The following DIAPH3 variants were observed in gnomAD, a reference collection of about 807,000 sequenced individuals.
DIAPH3 encodes the protein diaphanous related formin 3.
A neutral mutation model predicts 144.3 loss-of-function variants in DIAPH3; 117 were observed. The ratio of observed to expected loss-of-function variants is 0.81; its 90% confidence interval spans 0.70 to 0.95. DIAPH3 has a LOEUF of 0.95. Ranked by LOEUF, DIAPH3 falls within the 40% of genes least tolerant of loss-of-function variation. DIAPH3 has a pLI of 0.00. For missense variants in DIAPH3, 1,421 were observed against 1,412.7 expected (o/e 1.01, Z -0.09); for synonymous variants, 519 against 488.9 (o/e 1.06, Z -0.81).
chr13:59,866,964 G>T (rs984173803), intron 21 of DIAPH3, among the ~76,000 whole-genome samples: 1 of 151,428 alleles, frequency 6.6e-6, no homozygotes, highest in Non-Finnish European at 1.5e-5. Context: ...AATGGATTTT[G>T]TTTTCTGGTA....
At chr13:59,948,836 AGAAAGAAGGAAGGAAGGAAG>A (rs894160203) in intron 17 of DIAPH3, among the ~76,000 whole-genome samples, 2 of 143,216 alleles carry the variant, frequency 1.4e-5, no homozygotes, top group African/African-American at 2.6e-5. Flanking sequence ...TGACATAAAA[AGAAAGAAGGAAGGAAGGAAG>A]GAAGGAAGGA....
At chr13:59,756,812 C>A (rs2139158398) in intron 27 of DIAPH3, among the ~76,000 whole-genome samples, 1 of 152,152 alleles carries the variant, frequency 6.6e-6, no homozygotes, top group South Asian at 2.1e-4. Flanking sequence ...TCCAGTACAT[C>A]AGAGTTAATA....
chr13:60,156,917 T>TCA (rs376236763), intron 1 of DIAPH3, among the ~76,000 whole-genome samples: 35,877 of 86,188 alleles, frequency 0.42, 9,283 homozygotes, highest in South Asian at 0.51. Context: ...CCCAGATCCT[T>TCA]CATATATATA....
In DIAPH3 at chr13:59,980,875, C is replaced by A; in HGVS notation, c.1481-16G>T. 1.2e-6 allele frequency: 2 copies of A among 1,604,260 alleles called. No homozygotes were observed. Among genetic ancestry groups the A allele is most frequent in the Non-Finnish European group, 8.5e-7 (1 of 1,174,446 alleles). On this transcript the variant is annotated splice_polypyrimidine_tract_variant and intron_variant, in intron 13 of 27. Coordinates refer to ENST00000400324, the MANE Select transcript of DIAPH3 (RefSeq NM_001042517.2). ...ATGCAAATGTCTAAAATTGCAATGA[C>A]AGGAAATTTTTAATGTGAAACTTCT...
At chr13:59,873,560 A>C (rs954594920) in intron 21 of DIAPH3, among the ~76,000 whole-genome samples, 4 of 152,120 alleles carry the variant, frequency 2.6e-5, no homozygotes, top group African/African-American at 9.7e-5. Context: ...AACTTATTTC[A>C]GTTCCACTAT....
chr13:59,840,851 T>C (rs984649656), intron 22 of DIAPH3, among the ~76,000 whole-genome samples: 1 of 151,960 alleles, frequency 6.6e-6, no homozygotes, highest in Non-Finnish European at 1.5e-5. Context: ...TCCCTTTCTG[T>C]GATACTTTGA....
chr13:59,762,328 G>A (rs982172104), intron 27 of DIAPH3, among the ~76,000 whole-genome samples: 1 of 151,990 alleles, frequency 6.6e-6, no homozygotes, highest in Non-Finnish European at 1.5e-5. Context: ...CCAAAGTGCT[G>A]GGATTACAGG....
chr13:59,794,633 A>G (rs17057347), intron 25 of DIAPH3, among the ~76,000 whole-genome samples: 11,512 of 152,138 alleles, frequency 0.076, 562 homozygotes, highest in South Asian at 0.18. Flanking sequence ...CCAAGTTCTG[A>G]TGCGAATTTT....
chr13:60,047,211 A>G (rs1429321310), intron 4 of DIAPH3, among the ~76,000 whole-genome samples: 1 of 152,138 alleles, frequency 6.6e-6, no homozygotes, highest in Non-Finnish European at 1.5e-5. Flanking sequence ...TAAACGTTAT[A>G]CCATACTCAC....
chr13:59,750,101 A>C (rs940660475), intron 27 of DIAPH3, among the ~76,000 whole-genome samples: 1 of 152,168 alleles, frequency 6.6e-6, no homozygotes, highest in African/African-American at 2.4e-5. Context: ...ATACAAAAAA[A>C]CATAAAGCAA....
intron 4 of DIAPH3, among the ~76,000 whole-genome samples, chr13:60,067,057 T>A (rs1260418765): frequency 1.3e-5 from 2 of 152,134 alleles, no homozygotes; most frequent in African/African-American, 4.8e-5. Flanking sequence ...GACCAGAGGA[T>A]TGCTTGACTC....
chr13:59,879,118 T>C, intron 21 of DIAPH3, 111 bp downstream of exon 21: 1 of 1,474,380 alleles, frequency 6.8e-7, no homozygotes, highest in Non-Finnish European at 9.2e-7. Context: ...TCAGTTCAAG[T>C]TCTTGATAAT....
At chr13:60,129,391 C>T (rs2059078863) in intron 2 of DIAPH3, among the ~76,000 whole-genome samples, 1 of 152,178 alleles carries the variant, frequency 6.6e-6, no homozygotes, top group African/African-American at 2.4e-5. Context: ...AGAACAAACA[C>T]TGCTTATAGT....
chr13:59,970,204 T>C (rs2050281910), intron 16 of DIAPH3, 146 bp from the exon 17 acceptor site: 1 of 461,012 alleles, frequency 2.2e-6, no homozygotes, highest in East Asian at 3.5e-5. Flanking sequence ...GTGTGTTCAA[T>C]AAGATACAAG....
At chr13:59,911,067 A>G (rs1471710099) in intron 20 of DIAPH3, among the ~76,000 whole-genome samples, 1 of 152,110 alleles carries the variant, frequency 6.6e-6, no homozygotes, top group Non-Finnish European at 1.5e-5. Context: ...AAACAACACT[A>G]TAGTATTGTT....
chr13:59,955,455 A>G (rs1039196887), intron 17 of DIAPH3, among the ~76,000 whole-genome samples: 1 of 152,228 alleles, frequency 6.6e-6, no homozygotes, highest in African/African-American at 2.4e-5. Context: ...AGGCCTTCCC[A>G]GCCATGTGGA....
intron 27 of DIAPH3, among the ~76,000 whole-genome samples, chr13:59,737,730 C>G (rs1402229985): frequency 6.6e-6 from 1 of 152,212 alleles, no homozygotes; most frequent in Non-Finnish European, 1.5e-5. Flanking sequence ...AAAGGTTATT[C>G]TGAATTCCAA....
At chr13:59,950,130 T>C (rs1435757837) in intron 17 of DIAPH3, among the ~76,000 whole-genome samples, 1 of 102,900 alleles carries the variant, frequency 9.7e-6, no homozygotes, top group East Asian at 2.0e-4. Context: ...TTTGTGACAA[T>C]ATAATATTTT....
intron 27 of DIAPH3, among the ~76,000 whole-genome samples, chr13:59,771,836 G>GAGAT (rs2038137553): frequency 1.3e-5 from 2 of 151,880 alleles, no homozygotes; most frequent in Admixed American, 6.6e-5. Flanking sequence ...TGGGTAATAT[G>GAGAT]CATAAAATAT....
Sources: allele counts gnomAD v4.1 joint callset (sites outside exome capture counted in the v4.1 genomes callset), GRCh38; gene constraint gnomAD v4.1.1; transcripts MANE v1.5; gene names NCBI Gene and HGNC (gene_info 2026-07-23, HGNC 2026-07-21).